EPHA4: variants seen among roughly 807,000 people sequenced by gnomAD.
The protein encoded by EPHA4 is EPH receptor A4.
In EPHA4, 19 loss-of-function variants were observed where a neutral mutation model predicts 108.3. The ratio of observed to expected loss-of-function variants is 0.18; its 90% CI spans 0.12 to 0.26. The LOEUF (loss-of-function observed/expected upper bound fraction) is 0.26. EPHA4 is among the 10% of genes least tolerant of loss of function. The pLI is 1.00. For synonymous variants in EPHA4, 449 were observed against 455.5 expected (o/e 0.99, Z 0.18); for missense variants, 917 against 1,254.0 (o/e 0.73, Z 4.06).
At chr2:221,559,837 C>T (rs929621900) in intron 3 of EPHA4, among the ~76,000 whole-genome samples, 5 of 152,202 alleles carry the variant, frequency 3.3e-5, no homozygotes, top group African/African-American at 4.8e-5. Context: ...GATACATTCT[C>T]CTTGAGAAGA....
chr2:221,433,978 A>T (rs1339859164), intron 14 of EPHA4, among the ~76,000 whole-genome samples, 164 bp downstream of exon 14: 1 of 152,274 alleles, frequency 6.6e-6, no homozygotes, highest in Non-Finnish European at 1.5e-5. Flanking sequence ...CTTGAAATCA[A>T]TAGTCATTGG....
chr2:221,534,819 A>G (rs1693618120), intron 3 of EPHA4, among the ~76,000 whole-genome samples: 1 of 152,214 alleles, frequency 6.6e-6, no homozygotes, highest in Non-Finnish European at 1.5e-5. Context: ...TCTGGGGGAA[A>G]AAAGGTAAAT....
At chr2:221,539,213 C>T (rs1693759870) in intron 3 of EPHA4, among the ~76,000 whole-genome samples, 2 of 152,120 alleles carry the variant, frequency 1.3e-5, no homozygotes, top group Non-Finnish European at 2.9e-5. Context: ...GTGTGTTTCA[C>T]GTATTTACTT....
intron 15 of EPHA4, among the ~76,000 whole-genome samples, chr2:221,428,378 G>A (rs1689973453): frequency 6.6e-6 from 1 of 152,088 alleles, no homozygotes; most frequent in African/African-American, 2.4e-5. Context: ...CTCATTATAG[G>A]TAAGCCATAA....
At position 221,446,157 on chromosome 2, in the gene EPHA4, T is replaced by A. The variant is rs1475171456; in HGVS notation, c.1740A>T (p.Lys580Asn). ...SRRRSKYSKA[K>N]QEADEEKHLN... ...AATGTTTCTCTTCATCCGCTTCTTG[T>A]TTGGCTTTACTGTATTTACTCCGTC... is the stretch of plus-strand genomic sequence containing the variant. Residue 580 changes from lysine to asparagine, a missense_variant, in exon 9 of 18, where the codon AAA (lysine) becomes AAT (asparagine). By Grantham distance (94) the Lys-to-Asn change is moderately conservative. Coordinates refer to ENST00000281821, the MANE Select transcript of EPHA4 (RefSeq NM_004438.5). 1 of 1,554,666 alleles carries A rather than the reference T, an allele frequency of 6.4e-7. No individual in the cohort carries two copies. The highest frequency in any genetic ancestry group is 8.7e-7 in the Non-Finnish European group (1 of 1,153,236).
chr2:221,437,025 C>G, intron 12 of EPHA4, 36 bp downstream of exon 12: 1 of 1,516,930 alleles, frequency 6.6e-7, no homozygotes, highest in Non-Finnish European at 9.1e-7. Context: ...TTCTAAATAC[C>G]AACATTCTTG....
chr2:221,435,509 A>G (rs922035900), intron 13 of EPHA4, among the ~76,000 whole-genome samples: 2 of 152,046 alleles, frequency 1.3e-5, no homozygotes, highest in African/African-American at 4.8e-5. Context: ...CAACCAACCA[A>G]CAACAAAAAA....
intron 3 of EPHA4, among the ~76,000 whole-genome samples, chr2:221,561,069 C>T (rs954573153): frequency 2.0e-5 from 3 of 152,046 alleles, no homozygotes; most frequent in South Asian, 2.1e-4. Flanking sequence ...GGTGAAACCC[C>T]GTCTCTACTA....
chr2:221,465,717 G>A (rs1691287795), intron 5 of EPHA4, among the ~76,000 whole-genome samples: 1 of 152,098 alleles, frequency 6.6e-6, no homozygotes, highest in African/African-American at 2.4e-5. Context: ...GCCAGAGGGA[G>A]GTTAATGACC....
At chr2:221,445,239 C>T (rs1346790385) in intron 9 of EPHA4, among the ~76,000 whole-genome samples, 1 of 152,124 alleles carries the variant, frequency 6.6e-6, no homozygotes, top group Non-Finnish European at 1.5e-5. Flanking sequence ...ACAATGTTAT[C>T]TCAGAAAGTT....
intron 15 of EPHA4, among the ~76,000 whole-genome samples, chr2:221,427,108 A>G (rs1211468117): frequency 6.6e-6 from 1 of 152,234 alleles, no homozygotes; most frequent in Non-Finnish European, 1.5e-5. Flanking sequence ...ATTCAAGTCC[A>G]GCATGCTTCC....
intron 3 of EPHA4, among the ~76,000 whole-genome samples, chr2:221,524,529 G>A (rs1160481860): frequency 1.3e-5 from 2 of 152,122 alleles, no homozygotes; most frequent in Non-Finnish European, 2.9e-5. Flanking sequence ...TGTTACATGG[G>A]GATGAATGTC....
At chr2:221,453,746 G>T (rs968028100) in intron 8 of EPHA4, among the ~76,000 whole-genome samples, 2 of 152,202 alleles carry the variant, frequency 1.3e-5, no homozygotes, top group African/African-American at 4.8e-5. Context: ...CATAGATTGT[G>T]CATGAAAAGC....
At chr2:221,426,167 G>T (rs767166914) in intron 16 of EPHA4, 25 bp from the exon 17 acceptor site, 1 of 1,591,962 alleles carries the variant, frequency 6.3e-7, no homozygotes, top group Non-Finnish European at 8.6e-7. Flanking sequence ...ACAAAAAAGG[G>T]ACAGAAGAAG....
intron 2 of EPHA4, among the ~76,000 whole-genome samples, chr2:221,565,291 C>T (rs180748625): frequency 6.6e-6 from 1 of 152,144 alleles, no homozygotes; most frequent in Non-Finnish European, 1.5e-5. Context: ...GGACAACTTG[C>T]GTCTACCACT....
Position 221,457,798 on chromosome 2 carries a change from A to G in EPHA4, c.1443+68T>C, listed in dbSNP as rs1691006595. On this transcript the variant is annotated intron_variant, in intron 6 of 17. Coordinates refer to ENST00000281821, the MANE Select transcript of EPHA4 (RefSeq NM_004438.5). ...GGAGGGAGGGAGGGAAGGAGAAAGG[A>G]AAGAAGAAAACAAAGAAGGAAGGAA... 12 of 1,563,462 alleles carry G rather than the reference A, an allele frequency of 7.7e-6. No homozygotes were observed. The South Asian group carries it at 1.4e-4, about 18-fold the overall frequency.
At chr2:221,445,197 T>C (rs1177358264) in intron 9 of EPHA4, among the ~76,000 whole-genome samples, 1 of 152,186 alleles carries the variant, frequency 6.6e-6, no homozygotes, top group Non-Finnish European at 1.5e-5. Flanking sequence ...TGTGTGGCTA[T>C]TGGCTTACAT....
At chr2:221,431,933 C>A (rs6739585) in intron 14 of EPHA4, among the ~76,000 whole-genome samples, 1,996 of 152,116 alleles carry the variant, frequency 0.013, 37 homozygotes, top group African/African-American at 0.045. Flanking sequence ...TACCATATGC[C>A]AAATTAATTC....
chr2:221,457,806 A>G (rs1691007039), intron 6 of EPHA4, 60 bp downstream of exon 6: 2 of 1,583,458 alleles, frequency 1.3e-6, no homozygotes, highest in Non-Finnish European at 1.7e-6. Context: ...GGAAAGAAGA[A>G]AACAAAGAAG....
Sources: gnomAD v4.1 joint callset for allele counts (sites outside exome capture counted in the v4.1 genomes callset) on GRCh38, gnomAD v4.1.1 for gene constraint, MANE v1.5 for transcripts, NCBI Gene and HGNC (gene_info 2026-07-23, HGNC 2026-07-21) for gene names.